The following GFRA1 variants were observed in gnomAD, a reference collection of about 807,000 sequenced individuals.
The protein encoded by GFRA1 is GDNF family receptor alpha 1, also known as GDNF family receptor alpha-1.
Under a neutral mutation model 51.6 loss-of-function variants are expected in GFRA1, and 16 were observed. The observed-to-expected ratio is 0.31, with a 90% confidence interval of 0.21 to 0.47. GFRA1 has a LOEUF of 0.47. GFRA1 is among the 20% of genes least tolerant of loss of function. The pLI, the probability that GFRA1 is intolerant of heterozygous loss-of-function variation, is 1.00. For missense variants in GFRA1, 530 were observed against 594.3 expected (o/e 0.89, Z 1.13); for synonymous variants, 270 against 241.3 (o/e 1.12, Z -1.10).
chr10:116,257,324 C>T (rs1196508081), intron 4 of GFRA1, among the ~76,000 whole-genome samples: 2 of 151,300 alleles, frequency 1.3e-5, no homozygotes, highest in Non-Finnish European at 2.9e-5. Context: ...CCAGGACCAC[C>T]CAGGGAGATG....
chr10:116,165,914 C>T (rs979899082), intron 5 of GFRA1, among the ~76,000 whole-genome samples: 3 of 152,076 alleles, frequency 2.0e-5, no homozygotes, highest in African/African-American at 7.2e-5. Context: ...GCCTAGTATC[C>T]ATTGGTTATT....
At chr10:116,136,487 T>C (rs899184785) in intron 5 of GFRA1, among the ~76,000 whole-genome samples, 1 of 152,164 alleles carries the variant, frequency 6.6e-6, no homozygotes, top group African/African-American at 2.4e-5. Context: ...AACCCCCCTC[T>C]TCCCCCTCCA....
chr10:116,263,577 A>C (rs1969444246), intron 4 of GFRA1, among the ~76,000 whole-genome samples: 1 of 152,200 alleles, frequency 6.6e-6, no homozygotes, highest in Non-Finnish European at 1.5e-5. Flanking sequence ...CCAGAGTGCT[A>C]GTAGAACGGC....
intron 4 of GFRA1, among the ~76,000 whole-genome samples, chr10:116,227,901 A>C (rs920862219): frequency 1.3e-5 from 2 of 152,196 alleles, no homozygotes; most frequent in Non-Finnish European, 2.9e-5. Context: ...GATATACCAC[A>C]ATCTCTGCCC....
chr10:116,201,032 TAA>T lies in GFRA1; in HGVS notation c.433+10597_433+10598del, dbSNP rs200662902. Among the ~76,000 whole-genome samples, 8 of 152,310 alleles carry T rather than the reference TAA, an allele frequency of 5.3e-5. No individual in the cohort carries two copies. The East Asian group carries it at 1.5e-3, about 29-fold the overall frequency. ...TCACAGTGCATGCTATTTCTCTGCTTAAAGAGCTGCAATGACTTCCTTGGGCT... is the reference window on the plus strand; with the variant it reads ...TCACAGTGCATGCTATTTCTCTGCTTAGAGCTGCAATGACTTCCTTGGGCT... On this transcript the variant is annotated intron_variant, in intron 5 of 10. Coordinates refer to ENST00000355422, the MANE Select transcript of GFRA1 (RefSeq NM_005264.8).
intron 4 of GFRA1, among the ~76,000 whole-genome samples, chr10:116,259,240 C>A (rs1969119982): frequency 6.6e-6 from 1 of 151,924 alleles, no homozygotes; most frequent in Non-Finnish European, 1.5e-5. Context: ...TTCACAGGGA[C>A]CTAGAGGAAA....
intron 9 of GFRA1, 92 bp from the exon 10 acceptor site, chr10:116,065,718 T>C: frequency 1.1e-6 from 1 of 937,400 alleles, no homozygotes; most frequent in Non-Finnish European, 1.7e-6. Context: ...CAATGCTCTC[T>C]GATAAATATG....
rs71472882 is a variant in GFRA1 at position 116,146,972 on chromosome 10, C to A, written c.434-21415G>T. On this transcript the variant is annotated intron_variant, in intron 5 of 10. Transcript: ENST00000355422. Reference sequence around the variant, plus strand: ...CTTCATTAGCTTCACAGGAAATACACCCCTGGGGATCATGGGATGAAAAAG... The same window carrying A: ...CTTCATTAGCTTCACAGGAAATACAACCCTGGGGATCATGGGATGAAAAAG... Among the ~76,000 whole-genome samples, 412 of 152,184 alleles carry A rather than the reference C, an allele frequency of 2.7e-3. 2 individuals carry two copies. Among genetic ancestry groups the A allele is most frequent in the Non-Finnish European group, 5.0e-3 (342 of 68,026 alleles).
intron 5 of GFRA1, among the ~76,000 whole-genome samples, chr10:116,169,406 C>T (rs957073540): frequency 5.3e-5 from 8 of 152,222 alleles, no homozygotes; most frequent in Admixed American, 1.3e-4. Context: ...GCTGGACCTG[C>T]GGACCTAAAC....
chr10:116,220,561 A>G (rs1253244119), intron 4 of GFRA1, among the ~76,000 whole-genome samples: 1 of 152,222 alleles, frequency 6.6e-6, no homozygotes, highest in Non-Finnish European at 1.5e-5. Context: ...TGCTTGCCAC[A>G]AATAACCATC....
At chr10:116,177,895 G>A (rs918391030) in intron 5 of GFRA1, among the ~76,000 whole-genome samples, 1 of 152,156 alleles carries the variant, frequency 6.6e-6, no homozygotes, top group Non-Finnish European at 1.5e-5. Flanking sequence ...CCACCAGAGA[G>A]CCAGGGCCAT....
intron 5 of GFRA1, among the ~76,000 whole-genome samples, chr10:116,191,902 C>G (rs1483818221): frequency 1.3e-5 from 2 of 152,146 alleles, no homozygotes; most frequent in Non-Finnish European, 2.9e-5. Context: ...TGGCAGCCAC[C>G]TGTAATCCCA....
chr10:116,196,349 C>T lies in GFRA1; in HGVS notation c.433+15282G>A, dbSNP rs532155356. On this transcript the variant is annotated intron_variant, in intron 5 of 10. Coordinates refer to ENST00000355422, the MANE Select transcript of GFRA1 (RefSeq NM_005264.8). ...CTAAAAATACAAATAATTTGCCGGA[C>T]GTGGTGGCAGGTGCCTGTAATCCCA... Among the ~76,000 whole-genome samples, 8 of 150,558 alleles carry T rather than the reference C, an allele frequency of 5.3e-5. No individual in the cohort carries two copies. The South Asian group carries it at 6.3e-4, about 12-fold the overall frequency.
intron 5 of GFRA1, among the ~76,000 whole-genome samples, chr10:116,156,018 G>A (rs550801396): frequency 6.6e-6 from 1 of 152,282 alleles, no homozygotes; most frequent in East Asian, 1.9e-4. Flanking sequence ...CTTACTTGGA[G>A]CAGGTACTGA....
At chr10:116,197,062 T>C (rs964736461) in intron 5 of GFRA1, among the ~76,000 whole-genome samples, 4 of 151,836 alleles carry the variant, frequency 2.6e-5, no homozygotes, top group African/African-American at 7.3e-5. Context: ...CTTGGATTTG[T>C]GGCCTATCCT....
chr10:116,268,494 T>C (rs1969846703), intron 4 of GFRA1, among the ~76,000 whole-genome samples: 1 of 152,202 alleles, frequency 6.6e-6, no homozygotes, highest in Admixed American at 6.5e-5. Flanking sequence ...GCTCAATGGA[T>C]GTTTGGTGAA....
chr10:116,104,371 C>T (rs540133591), intron 6 of GFRA1, among the ~76,000 whole-genome samples: 9 of 152,224 alleles, frequency 5.9e-5, no homozygotes, highest in Non-Finnish European at 1.2e-4. Flanking sequence ...CACTGTTGCT[C>T]CTCTGGCTCC....
chr10:116,238,855 G>A (rs1967119851), intron 4 of GFRA1, among the ~76,000 whole-genome samples: 2 of 151,994 alleles, frequency 1.3e-5, no homozygotes, highest in Middle Eastern at 3.2e-3. Context: ...TTTTGCCCAC[G>A]TTGAAAGCTG....
chr10:116,078,783 C>G (rs1356822360), intron 9 of GFRA1, among the ~76,000 whole-genome samples: 1 of 152,084 alleles, frequency 6.6e-6, no homozygotes, highest in Non-Finnish European at 1.5e-5. Flanking sequence ...AGACCATAAA[C>G]CAAACACCAC....
Sources: allele counts gnomAD v4.1 joint callset (sites outside exome capture counted in the v4.1 genomes callset), GRCh38; gene constraint gnomAD v4.1.1; transcripts MANE v1.5; gene names NCBI Gene and HGNC (gene_info 2026-07-23, HGNC 2026-07-21).